The following MYEF2 variants were observed in gnomAD, a reference collection of about 807,000 sequenced individuals.
The protein encoded by MYEF2 is myelin gene expression factor 2.
Under a neutral mutation model 75.2 loss-of-function variants are expected in MYEF2, and 37 were observed. The ratio of observed to expected loss-of-function variants is 0.49; its 90% CI spans 0.38 to 0.65. The LOEUF (loss-of-function observed/expected upper bound fraction) is 0.65, where lower values mean the gene tolerates loss of function less well. Among genes scored for constraint, MYEF2 ranks in the 30% least tolerant of loss-of-function variants. The pLI is 0.00. For missense variants in MYEF2, 634 were observed against 771.4 expected, an observed-to-expected ratio of 0.82 and a Z score of 2.11; for synonymous variants, 195 against 241.6, an observed-to-expected ratio of 0.81 and a Z score of 1.79.
At chr15:48,151,689 C>A in intron 12 of MYEF2, 118 bp from the exon 13 acceptor site, 2 of 1,216,314 alleles carry the variant, frequency 1.6e-6, no homozygotes, top group South Asian at 2.8e-5. Flanking sequence ...AATAGTCTGT[C>A]ATTTACCCAA....
chr15:48,137,862 C>G lies in MYEF2; in HGVS notation c.*5046G>C, dbSNP rs1485406919. 1 of 152,034 alleles carries G rather than the reference C, an allele frequency of 6.6e-6. No individual in the cohort carries two copies. Among genetic ancestry groups the G allele is most frequent in the South Asian group, 2.1e-4 (1 of 4,822 alleles). 9.4% of individuals were successfully genotyped at this position (152,034 alleles called of 1,614,324 possible). The stretch of plus-strand genomic sequence containing the variant: ...AGCAAAACTTTTAGGTAAATAGGTT[C>G]AGTAGGAAGTCAGAAAATTCAGCTA... On this transcript the variant is annotated 3_prime_UTR_variant, in exon 17 of 17. Coordinates refer to ENST00000324324, the MANE Select transcript of MYEF2 (RefSeq NM_016132.5).
intron 1 of MYEF2, among the ~76,000 whole-genome samples, chr15:48,171,585 A>C (rs1371446692): frequency 1.3e-5 from 2 of 152,060 alleles, no homozygotes; most frequent in Non-Finnish European, 2.9e-5. Context: ...AATTTATCTT[A>C]AGTTTCTTCC....
At chr15:48,173,168 T>A (rs569670828) in intron 1 of MYEF2, among the ~76,000 whole-genome samples, 11 of 152,214 alleles carry the variant, frequency 7.2e-5, no homozygotes, top group Non-Finnish European at 1.6e-4. Context: ...GGTATCTATA[T>A]CAGGGACGCA....
intron 3 of MYEF2, 51 bp from the exon 4 acceptor site, chr15:48,166,179 T>A: frequency 7.0e-7 from 1 of 1,428,334 alleles, no homozygotes; most frequent in East Asian, 2.3e-5. Context: ...AAGTTTTAGA[T>A]CAGTACATGA....
intron 3 of MYEF2, 113 bp downstream of exon 3, chr15:48,167,235 TA>T: frequency 9.6e-7 from 1 of 1,042,992 alleles, no homozygotes; most frequent in Non-Finnish European, 1.4e-6. Flanking sequence ...TCTTGCATAA[TA>T]AAGTAAAACA....
At position 48,139,075 on chromosome 15, in the gene MYEF2, A is replaced by C; in HGVS notation, c.*3833T>G. 6.2e-7 allele frequency: 1 copy of C among 1,613,132 alleles called. No individual in the cohort carries two copies. Among genetic ancestry groups the C allele is most frequent in the South Asian group, 1.1e-5 (1 of 91,042 alleles). The stretch of plus-strand genomic sequence containing the variant: ...TTTTTCTAACCACACCAGATTGTAG[A>C]AAAAAGTTTTGGAAAAACTACTTTG... On this transcript the variant is annotated 3_prime_UTR_variant, in exon 17 of 17. Transcript: ENST00000324324.
chr15:48,147,042 T>A (rs1408390132), intron 16 of MYEF2, among the ~76,000 whole-genome samples: 1 of 151,896 alleles, frequency 6.6e-6, no homozygotes, highest in Admixed American at 6.6e-5. Flanking sequence ...ACAAAAATCA[T>A]TAATCTTAAA....
rs1407810132 is a variant in MYEF2 at position 48,138,752 on chromosome 15, TAAAG to T, written c.*4152_*4155del. ...ATTTTTATAGATTTAAGGCCCCAAA[TAAAG>T]AAATGCGGAGTATCACATCTTACAT... On this transcript the variant is annotated 3_prime_UTR_variant, in exon 17 of 17. Coordinates refer to ENST00000324324, the MANE Select transcript of MYEF2 (RefSeq NM_016132.5). The T allele has an allele frequency of 4.0e-6, 2 of 498,984 alleles. No individual in the cohort carries two copies. Among genetic ancestry groups the T allele is most frequent in the Non-Finnish European group, 3.6e-6 (1 of 278,430 alleles). The allele number at this position is 498,984 out of a possible 1,614,324, so 30.9% of individuals were successfully genotyped here.
At chr15:48,145,674 T>C (rs187810717) in intron 16 of MYEF2, among the ~76,000 whole-genome samples, 3 of 151,986 alleles carry the variant, frequency 2.0e-5, no homozygotes, top group Non-Finnish European at 4.4e-5. Context: ...CATGTAAAAA[T>C]AGACCAAATT....
At chr15:48,174,306 G>A (rs906283077) in intron 1 of MYEF2, among the ~76,000 whole-genome samples, 1 of 151,398 alleles carries the variant, frequency 6.6e-6, no homozygotes, top group Non-Finnish European at 1.5e-5. Flanking sequence ...AATGAAAATG[G>A]ATTAAAAACT....
Position 48,158,937 on chromosome 15 carries a change from G to A in MYEF2, c.718-15C>T, listed in dbSNP as rs2039819285. The A allele has an allele frequency of 1.9e-6, 3 of 1,610,056 alleles. No homozygotes were observed. Among genetic ancestry groups the A allele is most frequent in the Non-Finnish European group, 2.5e-6 (3 of 1,177,560 alleles). On this transcript the variant is annotated splice_polypyrimidine_tract_variant and intron_variant, in intron 6 of 16. Coordinates refer to ENST00000324324, the MANE Select transcript of MYEF2 (RefSeq NM_016132.5). ...TTGAAGTCAAGCTTAATATAAAATT[G>A]TATAAAGTTACATACCTAATAAATC... is the stretch of plus-strand genomic sequence containing the variant.
intron 2 of MYEF2, 47 bp downstream of exon 2, chr15:48,168,584 G>A (rs763692989): frequency 9.5e-6 from 14 of 1,471,280 alleles, no homozygotes; most frequent in Non-Finnish European, 1.3e-5. Context: ...TCCCTCCCCT[G>A]CCTATATGAA....
intron 3 of MYEF2, 124 bp downstream of exon 3, chr15:48,167,225 T>G: frequency 1.1e-6 from 1 of 926,852 alleles, no homozygotes; most frequent in East Asian, 2.6e-5. Context: ...GAGCCTCAAA[T>G]CTTGCATAAT....
Position 48,149,186 on chromosome 15 carries a change from C to T in MYEF2, c.1564G>A (p.Gly522Ser), listed in dbSNP as rs2039398570. 2 of 1,613,220 alleles carry T rather than the reference C, an allele frequency of 1.2e-6. No individual in the cohort carries two copies. Among genetic ancestry groups the T allele is most frequent in the East Asian group, 2.2e-5 (1 of 44,878 alleles). The change falls in exon 15 of 17, where the codon GGC (glycine) becomes AGC (serine). Residue 522 changes from glycine (G) to serine (S), a missense_variant. Coordinates refer to ENST00000324324, the MANE Select transcript of MYEF2 (RefSeq NM_016132.5). The surrounding 1 kb of genome is among the most constrained non-coding windows in gnomAD (Gnocchi z 4.0). Reference sequence around the variant, plus strand: ...ACATTTCTGACAAATATCTGGTTGCCTTTGGAGCCTATTCTCTCTCTCATT... The same window carrying T: ...ACATTTCTGACAAATATCTGGTTGCTTTTGGAGCCTATTCTCTCTCTCATT... ...SGMRERIGSK[G>S]NQIFVRNLPF...
At chr15:48,146,340 G>A (rs1275384112) in intron 16 of MYEF2, among the ~76,000 whole-genome samples, 1 of 151,836 alleles carries the variant, frequency 6.6e-6, no homozygotes, top group East Asian at 1.9e-4. Context: ...TTTTGCTACA[G>A]GAAAGATGTG....
chr15:48,176,287 C>T (rs2040514938), intron 1 of MYEF2, among the ~76,000 whole-genome samples: 1 of 149,424 alleles, frequency 6.7e-6, no homozygotes, highest in Admixed American at 6.7e-5. Context: ...CATGCTGGAC[C>T]ATCACAAATC....
intron 1 of MYEF2, among the ~76,000 whole-genome samples, chr15:48,170,416 G>A (rs556642761): frequency 3.9e-4 from 60 of 152,246 alleles, no homozygotes; most frequent in Middle Eastern, 3.4e-3. Context: ...GTGAGCCACC[G>A]TGCCCGGCCA....
intron 5 of MYEF2, 65 bp from the exon 6 acceptor site, chr15:48,159,869 C>T: frequency 1.4e-6 from 2 of 1,472,318 alleles, no homozygotes; most frequent in Non-Finnish European, 1.8e-6. Context: ...ATTAAAATAA[C>T]AATTTAAATT....
intron 1 of MYEF2, among the ~76,000 whole-genome samples, chr15:48,177,173 T>C (rs758122313): frequency 2.6e-5 from 4 of 152,168 alleles, no homozygotes; most frequent in Non-Finnish European, 4.4e-5. Flanking sequence ...TTTAAGGAGG[T>C]AGGCATATGA....
Sources: gnomAD v4.1 joint callset for allele counts (sites outside exome capture counted in the v4.1 genomes callset) on GRCh38, gnomAD v4.1.1 for gene constraint, Gnocchi (gnomAD v3.1) non-coding constraint, MANE v1.5 for transcripts, NCBI Gene and HGNC (gene_info 2026-07-23, HGNC 2026-07-21) for gene names.